The following GRIK3 variants were observed in gnomAD, a reference collection of about 807,000 sequenced individuals.
GRIK3 encodes glutamate ionotropic receptor kainate type subunit 3.
GRIK3 carries 29 observed loss-of-function variants against 102.5 expected under a neutral mutation model. That is an observed-to-expected ratio of 0.28 (90% confidence interval 0.21 to 0.39). The LOEUF is 0.39. Among genes scored for constraint, GRIK3 ranks in the 10% least tolerant of loss-of-function variants. GRIK3 has a pLI of 1.00. For missense variants in GRIK3, 908 were observed against 1,252.4 expected, an observed-to-expected ratio of 0.73 and a Z score of 4.15; for synonymous variants, 511 against 504.9, an observed-to-expected ratio of 1.01 and a Z score of -0.16.
intron 8 of GRIK3, among the ~76,000 whole-genome samples, chr1:36,851,323 G>T (rs1347554864): frequency 6.6e-6 from 1 of 152,262 alleles, no homozygotes; most frequent in Non-Finnish European, 1.5e-5. Context: ...CTATGACCCG[G>T]CTTAGCAAAC....
rs935579429 is a variant in GRIK3 at position 36,800,105 on chromosome 1, A to T, written c.*1746T>A. 16 of 152,200 alleles carry T rather than the reference A, an allele frequency of 1.1e-4. No homozygotes were observed. Among genetic ancestry groups the T allele is most frequent in the African/African-American group, 2.9e-4 (12 of 41,438 alleles). 9.4% of individuals were successfully genotyped at this position (152,200 alleles called of 1,614,324 possible). A position where few individuals can be genotyped will look rare whatever the true frequency, so the allele number is the denominator to read the frequency against. On this transcript the variant is annotated 3_prime_UTR_variant, in exon 16 of 16. Transcript: ENST00000373091. Reference sequence around the variant, plus strand: ...CTGGAGGAGGGACAGTGTTTATCACATGAGCCCACTGTGGTCTCCTGCTTT... The same window carrying T: ...CTGGAGGAGGGACAGTGTTTATCACTTGAGCCCACTGTGGTCTCCTGCTTT...
chr1:37,017,163 C>T (rs994661957), intron 1 of GRIK3, among the ~76,000 whole-genome samples: 17 of 150,386 alleles, frequency 1.1e-4, no homozygotes, highest in African/African-American at 3.9e-4. Context: ...TGCAGTGAGC[C>T]GAGATTGCAC....
chr1:36,942,986 CTA>C (rs1334634278), intron 1 of GRIK3, among the ~76,000 whole-genome samples: 1 of 152,178 alleles, frequency 6.6e-6, no homozygotes. Context: ...CTACATGAAG[CTA>C]TGTGGCAGGT....
At chr1:36,833,033 T>C (rs1640328904) in intron 10 of GRIK3, among the ~76,000 whole-genome samples, 1 of 152,186 alleles carries the variant, frequency 6.6e-6, no homozygotes, top group South Asian at 2.1e-4. Context: ...TGCCAGGATA[T>C]ACAGCCCAGG....
intron 10 of GRIK3, among the ~76,000 whole-genome samples, chr1:36,840,404 C>T (rs926550730): frequency 4.6e-5 from 7 of 152,064 alleles, no homozygotes; most frequent in East Asian, 1.9e-4. Flanking sequence ...ACAGGAGCTA[C>T]GGTAGTTGCT....
chr1:36,984,436 C>T (rs1642283195), intron 1 of GRIK3, among the ~76,000 whole-genome samples: 1 of 152,270 alleles, frequency 6.6e-6, no homozygotes, highest in Non-Finnish European at 1.5e-5. Flanking sequence ...TCACTCAGGG[C>T]ACCTGGCCCC....
intron 9 of GRIK3, among the ~76,000 whole-genome samples, chr1:36,846,155 G>T (rs528657239): frequency 1.3e-5 from 2 of 152,282 alleles, no homozygotes; most frequent in East Asian, 1.9e-4. Context: ...TCATGAGCTC[G>T]TGGAAGAGCG....
At chr1:37,030,469 C>A (rs1038440408) in intron 1 of GRIK3, among the ~76,000 whole-genome samples, 2 of 151,876 alleles carry the variant, frequency 1.3e-5, no homozygotes, top group Non-Finnish European at 2.9e-5. Flanking sequence ...CAGGACCTTG[C>A]AGCTCAGTTC....
At chr1:36,894,927 C>T (rs1472751218) in intron 1 of GRIK3, among the ~76,000 whole-genome samples, 1 of 152,200 alleles carries the variant, frequency 6.6e-6, no homozygotes, top group Admixed American at 6.5e-5. Flanking sequence ...TCAGGGGAAA[C>T]TAGTTAGCCA....
chr1:36,993,485 A>G (rs1189638207), intron 1 of GRIK3, among the ~76,000 whole-genome samples: 2 of 152,330 alleles, frequency 1.3e-5, no homozygotes, highest in African/African-American at 2.4e-5. Flanking sequence ...CCCATTTTCA[A>G]TAAAGCAGGA....
At chr1:36,842,980 C>A (rs1640478035) in intron 9 of GRIK3, among the ~76,000 whole-genome samples, 1 of 152,120 alleles carries the variant, frequency 6.6e-6, no homozygotes, top group Non-Finnish European at 1.5e-5. Context: ...CCATGCCAGA[C>A]CCCCCACCAT....
At chr1:36,962,808 C>T (rs1364168406) in intron 1 of GRIK3, among the ~76,000 whole-genome samples, 2 of 146,388 alleles carry the variant, frequency 1.4e-5, no homozygotes, top group African/African-American at 2.6e-5. Flanking sequence ...AGCTTGAACC[C>T]GGGAGGCGGA....
intron 1 of GRIK3, among the ~76,000 whole-genome samples, chr1:36,905,191 C>A (rs1473089131): frequency 6.6e-6 from 1 of 152,066 alleles, no homozygotes; most frequent in African/African-American, 2.4e-5. Flanking sequence ...ATGTGCAATT[C>A]CTATATCAAG....
chr1:36,826,555 CTA>C, intron 10 of GRIK3, among the ~76,000 whole-genome samples: 1 of 152,046 alleles, frequency 6.6e-6, no homozygotes, highest in Middle Eastern at 3.4e-3. Context: ...GTAGTCCCAG[CTA>C]CTTGGGAGGC....
intron 1 of GRIK3, among the ~76,000 whole-genome samples, chr1:36,955,771 C>A (rs1402103748): frequency 6.6e-6 from 1 of 152,272 alleles, no homozygotes; most frequent in Non-Finnish European, 1.5e-5. Flanking sequence ...GACACACTTG[C>A]ACACATTCAC....
intron 1 of GRIK3, among the ~76,000 whole-genome samples, chr1:36,957,487 G>A (rs74659584): frequency 0.42 from 20,106 of 48,178 alleles, 8,210 homozygotes; most frequent in African/African-American, 0.59. Flanking sequence ...TCTGTGCCCC[G>A]TGAGCCTGTG....
intron 1 of GRIK3, among the ~76,000 whole-genome samples, chr1:36,947,627 A>G (rs953489394): frequency 6.6e-6 from 1 of 152,044 alleles, no homozygotes; most frequent in African/African-American, 2.4e-5. Context: ...TCATCTTATC[A>G]GAGAAGATGT....
chr1:37,003,936 G>C (rs1036046176), intron 1 of GRIK3, among the ~76,000 whole-genome samples: 1 of 152,136 alleles, frequency 6.6e-6, no homozygotes, highest in African/African-American at 2.4e-5. Flanking sequence ...AGGGAGAGGA[G>C]GGAGGGGGCT....
chr1:36,853,613 AC>A lies in GRIK3; in HGVS notation c.1212+1del. ...TGCCCTCCCTCTCCTGAGACCACGC[AC>A]CTTCTCCAGGCCATCCTCTTTCAGG... On this transcript the variant is annotated splice_donor_variant, in intron 8 of 15. Coordinates refer to ENST00000373091, the MANE Select transcript of GRIK3 (RefSeq NM_000831.4). LOFTEE classifies it high-confidence loss of function. 1 of 1,600,562 alleles carries A rather than the reference AC, an allele frequency of 6.2e-7. No homozygotes were observed. Among genetic ancestry groups the A allele is most frequent in the Non-Finnish European group, 8.6e-7 (1 of 1,167,864 alleles).
Sources: gnomAD v4.1 joint callset for allele counts (sites outside exome capture counted in the v4.1 genomes callset) on GRCh38, gnomAD v4.1.1 for gene constraint, MANE v1.5 for transcripts, NCBI Gene and HGNC (gene_info 2026-07-23, HGNC 2026-07-21) for gene names.